The following MAST4 variants were observed in gnomAD, a reference collection of about 807,000 sequenced individuals.
MAST4 encodes the protein microtubule-associated serine/threonine-protein kinase 4.
A neutral mutation model predicts 162.7 loss-of-function variants in MAST4; 89 were observed. The ratio of observed to expected loss-of-function variants is 0.55; its 90% CI spans 0.46 to 0.65. MAST4 has a LOEUF of 0.65. Among genes scored for constraint, MAST4 ranks in the 30% least tolerant of loss-of-function variants. MAST4 has a pLI of 0.00. For missense variants in MAST4, 3,153 were observed against 3,374.0 expected (o/e 0.93, Z 1.62); for synonymous variants, 1,479 against 1,361.1 (o/e 1.09, Z -1.91).
intron 23 of MAST4, among the ~76,000 whole-genome samples, chr5:67,146,060 A>G (rs1771047021): frequency 6.6e-6 from 1 of 152,252 alleles, no homozygotes; most frequent in East Asian, 1.9e-4. Flanking sequence ...CATATGAAAT[A>G]ACTCCACTGA....
chr5:66,784,759 G>A (rs962157298), intron 2 of MAST4, among the ~76,000 whole-genome samples: 2 of 152,192 alleles, frequency 1.3e-5, no homozygotes, highest in African/African-American at 4.8e-5. Context: ...TATGAAGTGT[G>A]ACAGTACATT....
At chr5:66,951,630 G>GTGTGTGTATGTA (rs1554072449) in intron 4 of MAST4, among the ~76,000 whole-genome samples, 9 of 147,228 alleles carry the variant, frequency 6.1e-5, no homozygotes, top group African/African-American at 2.4e-4. Flanking sequence ...GTGTGTGTGT[G>GTGTGTGTATGTA]TGTGTGTGTG....
At position 67,118,723 on chromosome 5, in the gene MAST4, A is replaced by T; in HGVS notation, c.1633A>T (p.Thr545Ser). The change falls in exon 13 of 29, where the codon ACA becomes TCA. Residue 545 changes from threonine (T) to serine (S), a missense_variant. Thr to Ser is a moderately conservative substitution (Grantham distance 58, BLOSUM62 1). Transcript: ENST00000403625. Reference protein sequence around the residue: ...LGNYDSGTAETPETDESVSSS... With the variant: ...LGNYDSGTAESPETDESVSSS... The stretch of plus-strand genomic sequence containing the variant: ...AAACTACGATAGTGGGACAGCAGAA[A>T]CACCAGAAACAGATGAATCAGTGAG... The T allele has an allele frequency of 6.3e-7, 1 of 1,576,204 alleles. No individual in the cohort carries two copies. The highest frequency in any genetic ancestry group is 1.2e-5 in the South Asian group (1 of 86,086).
At chr5:66,977,418 C>T (rs376994640) in intron 4 of MAST4, among the ~76,000 whole-genome samples, 5 of 152,006 alleles carry the variant, frequency 3.3e-5, no homozygotes, top group East Asian at 1.9e-4. Context: ...ATTTTTAGAA[C>T]ACCCCACATG....
Position 67,121,088 on chromosome 5 carries a change from C to T in MAST4, c.1731C>T (p.Ser577=). 6.2e-7 allele frequency: 1 copy of T among 1,606,946 alleles called. No individual in the cohort carries two copies. The highest frequency in any genetic ancestry group is 8.5e-7 in the Non-Finnish European group (1 of 1,176,252). The change falls in exon 14 of 29, where the codon AGC becomes AGT. Residue 577 remains serine, a synonymous_variant. Transcript: ENST00000403625. ...ESDFETIKLI[S]NGAYGAVYFV... is the part of the protein sequence containing the mutation. ...ATTTTGAAACGATTAAATTGATTAG[C>T]AATGGAGCCTATGGGTGAGTAATTC... is the stretch of plus-strand genomic sequence containing the variant.
intron 2 of MAST4, among the ~76,000 whole-genome samples, chr5:66,784,734 C>G (rs1014290270): frequency 6.6e-6 from 1 of 152,182 alleles, no homozygotes. Context: ...GTGGAGGATG[C>G]AGGTCTTACG....
At chr5:66,603,304 G>A (rs904628671) in intron 1 of MAST4, among the ~76,000 whole-genome samples, 1 of 152,160 alleles carries the variant, frequency 6.6e-6, no homozygotes, top group Non-Finnish European at 1.5e-5. Context: ...TTTGCTCATG[G>A]AACCTGTTCT....
intron 1 of MAST4, among the ~76,000 whole-genome samples, chr5:66,687,542 GTATA>G (rs1390650297): frequency 6.6e-6 from 1 of 150,742 alleles, no homozygotes; most frequent in African/African-American, 2.5e-5. Flanking sequence ...ATATATGTAT[GTATA>G]CATATATACA....
intron 3 of MAST4, among the ~76,000 whole-genome samples, chr5:66,871,290 G>A (rs1404014172): frequency 6.6e-6 from 1 of 152,146 alleles, no homozygotes; most frequent in Non-Finnish European, 1.5e-5. Flanking sequence ...TTTTAAGTAT[G>A]TGTTACCCTT....
intron 4 of MAST4, among the ~76,000 whole-genome samples, chr5:66,997,481 G>A (rs1750791532): frequency 6.7e-6 from 1 of 149,576 alleles, no homozygotes; most frequent in Non-Finnish European, 1.5e-5. Context: ...GCCCAGGCTG[G>A]AGTGCAGTGG....
At chr5:67,036,760 A>C (rs1756069333) in intron 4 of MAST4, among the ~76,000 whole-genome samples, 2 of 152,092 alleles carry the variant, frequency 1.3e-5, no homozygotes, top group South Asian at 4.1e-4. Context: ...TTTCTGTCTG[A>C]ATTTGTTTGA....
chr5:67,015,894 C>T (rs1324182905), intron 4 of MAST4, among the ~76,000 whole-genome samples: 1 of 152,160 alleles, frequency 6.6e-6, no homozygotes, highest in East Asian at 1.9e-4. Context: ...ACCTGATAAC[C>T]TAGTTTGGCT....
intron 4 of MAST4, among the ~76,000 whole-genome samples, chr5:66,911,152 C>T (rs903215485): frequency 2.8e-4 from 42 of 152,164 alleles, no homozygotes; most frequent in African/African-American, 9.7e-4. Flanking sequence ...CATGGAAATG[C>T]CAGTAACTGC....
intron 3 of MAST4, among the ~76,000 whole-genome samples, chr5:66,845,189 T>C (rs1354318538): frequency 2.8e-5 from 4 of 143,300 alleles, no homozygotes; most frequent in Non-Finnish European, 6.1e-5. Flanking sequence ...TACATATGTA[T>C]ACATGTGCCG....
At chr5:66,902,375 G>C (rs78973775) in intron 4 of MAST4, among the ~76,000 whole-genome samples, 3,218 of 152,190 alleles carry the variant, frequency 0.021, 120 homozygotes, top group African/African-American at 0.074. Context: ...GAAACTTACG[G>C]GGTTTTCCAA....
intron 4 of MAST4, among the ~76,000 whole-genome samples, chr5:66,993,926 C>CA (rs1554078116): frequency 1.3e-4 from 10 of 78,282 alleles, no homozygotes; most frequent in African/African-American, 4.4e-4. Context: ...GAAGACCCCC[C>CA]CCCCCACCCC....
intron 3 of MAST4, among the ~76,000 whole-genome samples, chr5:66,791,407 TG>T (rs1351400779): frequency 3.3e-5 from 5 of 152,258 alleles, no homozygotes; most frequent in Non-Finnish European, 7.3e-5. Flanking sequence ...ATGAAATGCA[TG>T]TCACCTGACC....
At chr5:66,736,251 A>G (rs1752146565) in intron 1 of MAST4, among the ~76,000 whole-genome samples, 1 of 152,156 alleles carries the variant, frequency 6.6e-6, no homozygotes, top group African/African-American at 2.4e-5. Flanking sequence ...TCCAACTAAG[A>G]AAGAGGCAAA....
intron 1 of MAST4, among the ~76,000 whole-genome samples, chr5:66,650,480 A>G (rs145447902): frequency 3.7e-4 from 56 of 152,296 alleles, no homozygotes; most frequent in African/African-American, 1.1e-3. Context: ...TCATTGTATA[A>G]TATTTTTCAT....
Sources: allele counts gnomAD v4.1 joint callset (sites outside exome capture counted in the v4.1 genomes callset), GRCh38; gene constraint gnomAD v4.1.1; transcripts MANE v1.5; gene names NCBI Gene and HGNC (gene_info 2026-07-23, HGNC 2026-07-21).